IGF1R: variants seen among roughly 807,000 people sequenced by gnomAD.
The protein encoded by IGF1R is insulin like growth factor 1 receptor, also known as insulin-like growth factor 1 receptor.
A neutral mutation model predicts 144.6 loss-of-function variants in IGF1R; 44 were observed. The observed-to-expected ratio is 0.30, with a 90% CI of 0.24 to 0.39. The LOEUF (loss-of-function observed/expected upper bound fraction) is 0.39, where lower values mean the gene tolerates loss of function less well. Ranked by LOEUF, IGF1R falls within the 10% of genes least tolerant of loss-of-function variation. IGF1R has a pLI of 1.00. For missense variants in IGF1R, 1,355 were observed against 1,833.7 expected (o/e 0.74, Z 4.77); for synonymous variants, 795 against 722.8 (o/e 1.10, Z -1.60).
chr15:98,767,603 T>A (rs780195148), intron 2 of IGF1R, among the ~76,000 whole-genome samples: 7 of 152,374 alleles, frequency 4.6e-5, no homozygotes, highest in Non-Finnish European at 8.8e-5. Flanking sequence ...ATCTGCAGTT[T>A]GCAAGTGCAG....
chr15:98,774,326 C>T (rs562309187), intron 2 of IGF1R, among the ~76,000 whole-genome samples: 106 of 152,270 alleles, frequency 7.0e-4, no homozygotes, highest in Non-Finnish European at 1.3e-3. Flanking sequence ...AAACACAAGA[C>T]AGATCAAAAA....
At chr15:98,778,469 C>T (rs914345788) in intron 2 of IGF1R, among the ~76,000 whole-genome samples, 1 of 152,210 alleles carries the variant, frequency 6.6e-6, no homozygotes, top group African/African-American at 2.4e-5. Context: ...CAGAGAGGGT[C>T]ATGGTTTTCA....
intron 2 of IGF1R, among the ~76,000 whole-genome samples, chr15:98,790,404 A>G (rs1431243918): frequency 1.3e-5 from 2 of 152,214 alleles, no homozygotes; most frequent in Admixed American, 6.5e-5. Context: ...GTGAGCACAG[A>G]AAACGCCATA....
At chr15:98,955,801 C>G (rs2151736042) in intron 20 of IGF1R, among the ~76,000 whole-genome samples, 1 of 152,376 alleles carries the variant, frequency 6.6e-6, no homozygotes, top group East Asian at 1.9e-4. Flanking sequence ...GGTCAAGCAG[C>G]CACCCTGACA....
At chr15:98,649,848 G>T (rs1016908800) in intron 1 of IGF1R, among the ~76,000 whole-genome samples, 173 bp downstream of exon 1, 1 of 152,240 alleles carries the variant, frequency 6.6e-6, no homozygotes, top group African/African-American at 2.4e-5. Flanking sequence ...GCGGACCCGG[G>T]ACCCGGGCTC....
At chr15:98,821,677 T>C (rs2056806475) in intron 2 of IGF1R, among the ~76,000 whole-genome samples, 1 of 152,150 alleles carries the variant, frequency 6.6e-6, no homozygotes, top group Non-Finnish European at 1.5e-5. Flanking sequence ...CCTTGATTAG[T>C]GATGAGAATG....
chr15:98,805,633 G>T (rs976772433), intron 2 of IGF1R, among the ~76,000 whole-genome samples: 4 of 152,040 alleles, frequency 2.6e-5, no homozygotes, highest in Non-Finnish European at 5.9e-5. Context: ...GATAACTCAA[G>T]GTCAGGAGGA....
intron 2 of IGF1R, among the ~76,000 whole-genome samples, chr15:98,866,875 C>T (rs74034260): frequency 0.013 from 2,012 of 152,208 alleles, 58 homozygotes; most frequent in African/African-American, 0.047. Flanking sequence ...TCACTGGGTA[C>T]GGGTACGTGG....
chr15:98,737,018 T>C (rs990982306), intron 2 of IGF1R, among the ~76,000 whole-genome samples: 6 of 152,138 alleles, frequency 3.9e-5, no homozygotes. Context: ...AGAACTAAGA[T>C]GTATTCAAAG....
intron 2 of IGF1R, among the ~76,000 whole-genome samples, chr15:98,823,753 GT>G (rs1244470542): frequency 6.6e-6 from 1 of 152,108 alleles, no homozygotes; most frequent in Non-Finnish European, 1.5e-5. Flanking sequence ...GATCATAGGG[GT>G]TTTTGCATAG....
At chr15:98,728,201 TG>T (rs769449597) in intron 2 of IGF1R, among the ~76,000 whole-genome samples, 5 of 152,258 alleles carry the variant, frequency 3.3e-5, no homozygotes, top group Non-Finnish European at 7.4e-5. Flanking sequence ...CTATTCAAGA[TG>T]GGCTTCTTGG....
chr15:98,814,910 T>A (rs1321458064), intron 2 of IGF1R, among the ~76,000 whole-genome samples: 2 of 152,202 alleles, frequency 1.3e-5, no homozygotes, highest in African/African-American at 4.8e-5. Context: ...AAAATCAAAC[T>A]TACATTCTGA....
chr15:98,717,263 G>A (rs1188266346), intron 2 of IGF1R, among the ~76,000 whole-genome samples: 1 of 152,112 alleles, frequency 6.6e-6, no homozygotes, highest in East Asian at 1.9e-4. Context: ...GACAGGAATA[G>A]GACAGTATTT....
At chr15:98,676,953 T>C (rs1308188641) in intron 1 of IGF1R, among the ~76,000 whole-genome samples, 1 of 152,112 alleles carries the variant, frequency 6.6e-6, no homozygotes, top group African/African-American at 2.4e-5. Flanking sequence ...TTTTCATTCC[T>C]GAGACAGGGT....
At chr15:98,720,635 G>T (rs2054225673) in intron 2 of IGF1R, among the ~76,000 whole-genome samples, 1 of 152,222 alleles carries the variant, frequency 6.6e-6, no homozygotes, top group African/African-American at 2.4e-5. Context: ...AAGCACCTCA[G>T]TGATAGGGCA....
intron 2 of IGF1R, among the ~76,000 whole-genome samples, chr15:98,842,749 C>T (rs1422784159): frequency 6.6e-6 from 1 of 152,204 alleles, no homozygotes; most frequent in Admixed American, 6.5e-5. Flanking sequence ...TTGACAAGAA[C>T]TCTTAGGATG....
chr15:98,669,950 G>T (rs947733541), intron 1 of IGF1R, among the ~76,000 whole-genome samples: 1 of 152,184 alleles, frequency 6.6e-6, no homozygotes, highest in African/African-American at 2.4e-5. Flanking sequence ...GGTGACTGGT[G>T]TTGCTTTTAC....
intron 13 of IGF1R, 139 bp from the exon 14 acceptor site, chr15:98,929,419 C>G: frequency 1.4e-6 from 1 of 728,584 alleles, no homozygotes; most frequent in South Asian, 1.5e-5. Context: ...CACCATTTAC[C>G]TTCAGGAATT....
chr15:98,929,467 T>A, intron 13 of IGF1R, 91 bp from the exon 14 acceptor site: 1 of 1,006,750 alleles, frequency 9.9e-7, no homozygotes, highest in Non-Finnish European at 1.6e-6. Context: ...TATACAGGTA[T>A]TTTTTTCATA....
Sources: gnomAD v4.1 joint callset for allele counts (sites outside exome capture counted in the v4.1 genomes callset) on GRCh38, gnomAD v4.1.1 for gene constraint, MANE v1.5 for transcripts, NCBI Gene and HGNC (gene_info 2026-07-23, HGNC 2026-07-21) for gene names.